Variants in PLXNC1 observed in about 807,000 individuals in gnomAD.
PLXNC1 encodes the protein plexin C1.
A neutral mutation model predicts 178.2 loss-of-function variants in PLXNC1; 75 were observed. That is an observed-to-expected ratio of 0.42 (90% confidence interval 0.35 to 0.51). The LOEUF (loss-of-function observed/expected upper bound fraction) is 0.51. PLXNC1 is among the 20% of genes least tolerant of loss of function. The probability of loss-of-function intolerance (pLI) is 0.02; values close to 1 mark genes in which losing one functional copy is unlikely to be tolerated. For missense variants in PLXNC1, 1,503 were observed against 1,984.4 expected (o/e 0.76, Z 4.61); for synonymous variants, 790 against 779.9 (o/e 1.01, Z -0.22).
In PLXNC1 at chr12:94,277,975, A is replaced by T. The variant is rs1446310682; in HGVS notation, c.3598-1497A>T. The T allele has an allele frequency of 1.1e-5, 5 of 455,972 alleles. No homozygotes were observed. The East Asian group carries it at 3.5e-4, about 32-fold the overall frequency. 28.2% of individuals were successfully genotyped at this position (455,972 alleles called of 1,614,324 possible). The stretch of plus-strand genomic sequence containing the variant: ...CTCTCCCCTGAGCCCTAGGCAAATC[A>T]GACATTGCCTCCTGCAGCCTCTGCA... On this transcript the variant is annotated intron_variant, in intron 21 of 30. Transcript: ENST00000258526.
At chr12:94,232,911 CA>C (rs1381806835) in intron 9 of PLXNC1, among the ~76,000 whole-genome samples, 1 of 150,836 alleles carries the variant, frequency 6.6e-6, no homozygotes, top group Admixed American at 6.6e-5. Flanking sequence ...CAATCTGACT[CA>C]ACAGAGTTTT....
chr12:94,224,628 G>A (rs1294445168), intron 7 of PLXNC1, among the ~76,000 whole-genome samples: 1 of 152,208 alleles, frequency 6.6e-6, no homozygotes, highest in Non-Finnish European at 1.5e-5. Context: ...GACAAGCCAG[G>A]TGTGGTGGCT....
At chr12:94,214,111 G>A (rs1181542666) in intron 5 of PLXNC1, among the ~76,000 whole-genome samples, 1 of 149,390 alleles carries the variant, frequency 6.7e-6, no homozygotes, top group Non-Finnish European at 1.5e-5. Flanking sequence ...TTTTGACAGG[G>A]TCTCCCTCTG....
rs1435649178 is a variant in PLXNC1 at position 94,254,906 on chromosome 12, G to A, written c.2983+18G>A. ...ACGTGACGGTAGGCTCCAAAATTGT[G>A]TTTGTAGAAAAACAAGCCTTTTATA... On this transcript the variant is annotated intron_variant, in intron 16 of 30. Transcript: ENST00000258526. The A allele has an allele frequency of 1.3e-6, 2 of 1,579,196 alleles. No homozygotes were observed. Among genetic ancestry groups the A allele is most frequent in the South Asian group, 1.1e-5 (1 of 87,776 alleles).
At chr12:94,159,735 C>T (rs528676843) in intron 1 of PLXNC1, among the ~76,000 whole-genome samples, 3 of 152,288 alleles carry the variant, frequency 2.0e-5, no homozygotes, top group South Asian at 2.1e-4. Flanking sequence ...TCCTAAATAA[C>T]GGCTGCCCTG....
chr12:94,221,437 A>T (rs1963792899), intron 6 of PLXNC1, among the ~76,000 whole-genome samples: 1 of 152,130 alleles, frequency 6.6e-6, no homozygotes, highest in Non-Finnish European at 1.5e-5. Flanking sequence ...AAGTGGATTC[A>T]ATAGATGGTC....
intron 12 of PLXNC1, among the ~76,000 whole-genome samples, chr12:94,245,808 C>T (rs186799787): frequency 5.3e-5 from 8 of 152,142 alleles, no homozygotes; most frequent in Admixed American, 3.3e-4. Flanking sequence ...TGACCAAGAG[C>T]GATAGCTGTA....
In PLXNC1 at chr12:94,298,631, G is replaced by C; in HGVS notation, c.4075-1G>C. ...CAAATCTGATGTTGTCTATCTTTCA[G>C]GTGGCAATTCATTCTGTGCTTGAAA... On this transcript the variant is annotated splice_acceptor_variant, in intron 26 of 30. Transcript: ENST00000258526. LOFTEE classifies it high-confidence loss of function. 6.3e-7 allele frequency: 1 copy of C among 1,583,372 alleles called. No individual in the cohort carries two copies. Among genetic ancestry groups the C allele is most frequent in the East Asian group, 2.3e-5 (1 of 43,970 alleles).
intron 21 of PLXNC1, among the ~76,000 whole-genome samples, chr12:94,277,511 A>G (rs944932587): frequency 2.6e-5 from 4 of 152,208 alleles, no homozygotes; most frequent in African/African-American, 7.2e-5. Flanking sequence ...TACTGTTGTT[A>G]TGCCCTCTTT....
At chr12:94,170,890 C>T (rs1961816817) in intron 2 of PLXNC1, among the ~76,000 whole-genome samples, 1 of 152,216 alleles carries the variant, frequency 6.6e-6, no homozygotes, top group Non-Finnish European at 1.5e-5. Flanking sequence ...ACACAAGTCA[C>T]TGGGTGACGT....
chr12:94,206,490 AT>A (rs35705217), intron 4 of PLXNC1, among the ~76,000 whole-genome samples: 53,900 of 144,416 alleles, frequency 0.37, 10,969 homozygotes, highest in East Asian at 0.58. Flanking sequence ...GGTTTGGGGG[AT>A]TTTTTTTTTT....
At position 94,301,037 on chromosome 12, in the gene PLXNC1, A is replaced by T. The variant is rs1024270568; in HGVS notation, c.4366A>T (p.Thr1456Ser). The T allele has an allele frequency of 1.2e-6, 2 of 1,613,798 alleles. No homozygotes were observed. Among genetic ancestry groups the T allele is most frequent in the Admixed American group, 1.7e-5 (1 of 60,020 alleles). The change falls in exon 28 of 31, where the codon ACA (threonine) becomes TCA (serine). Residue 1456 changes from threonine (T) to serine (S), a missense_variant. Coordinates refer to ENST00000258526, the MANE Select transcript of PLXNC1 (RefSeq NM_005761.3). The part of the protein sequence containing the change: ...AQAFMDAFSL[T>S]EQQLGKEAPT... Reference sequence around the variant, plus strand: ...GGCATTCATGGATGCATTTTCTCTCACAGAGCAGCAACTAGGGAAGGTAAG... The same window carrying T: ...GGCATTCATGGATGCATTTTCTCTCTCAGAGCAGCAACTAGGGAAGGTAAG...
chr12:94,157,379 AGAT>A (rs1165199005), intron 1 of PLXNC1, among the ~76,000 whole-genome samples: 1 of 152,226 alleles, frequency 6.6e-6, no homozygotes, highest in Admixed American at 6.5e-5. Context: ...ATTGGCACAC[AGAT>A]GATGAAGACT....
chr12:94,229,617 A>T (rs1437160155), intron 9 of PLXNC1, among the ~76,000 whole-genome samples: 3 of 152,122 alleles, frequency 2.0e-5, no homozygotes, highest in African/African-American at 7.2e-5. Context: ...TTGCATGTGG[A>T]TATCCAGTTT....
At chr12:94,153,737 A>G (rs1961048080) in intron 1 of PLXNC1, among the ~76,000 whole-genome samples, 1 of 152,124 alleles carries the variant, frequency 6.6e-6, no homozygotes. Context: ...AGTTCATTCT[A>G]CCCTTTGTAG....
rs777201051 is a variant in PLXNC1, at chr12:94,240,544, G to A, written c.2180G>A (p.Arg727Gln). The A allele has an allele frequency of 1.2e-5, 19 of 1,613,808 alleles. No individual in the cohort carries two copies. The highest frequency in any genetic ancestry group is 1.6e-4 in the Middle Eastern group (1 of 6,080). The change falls in exon 11 of 31, where the codon CGG (arginine) becomes CAG (glutamine). Residue 727 changes from arginine (R) to glutamine (Q), a missense_variant. By Grantham distance (43) the Arg-to-Gln change is conservative (BLOSUM62 1). Coordinates refer to ENST00000258526, the MANE Select transcript of PLXNC1 (RefSeq NM_005761.3). ...ATGAAATTCTCTCTTCCATCAAGCC[G>A]GAAAGAAATGAAGGATGTGTGTATC... is the stretch of plus-strand genomic sequence containing the variant. ...THMKFSLPSS[R>Q]KEMKDVCIQF...
At position 94,186,345 on chromosome 12, in the gene PLXNC1, T is replaced by C. The variant is rs368825426; in HGVS notation, c.1339-28T>C. 4.3e-5 allele frequency: 65 copies of C among 1,499,898 alleles called. No homozygotes were observed. The African/African-American group carries it at 8.6e-4, about 20-fold the overall frequency. 92.9% of individuals were successfully genotyped at this position (1,499,898 alleles called of 1,614,324 possible). A position where few individuals can be genotyped will look rare whatever the true frequency, so the allele number is the denominator to read the frequency against. On this transcript the variant is annotated intron_variant, in intron 3 of 30. Coordinates refer to ENST00000258526, the MANE Select transcript of PLXNC1 (RefSeq NM_005761.3). ...TTTCCTGCTGTTGCTTATAATTCCA[T>C]CTGAACCATTGTCCTCTTTCCTTTT...
intron 1 of PLXNC1, among the ~76,000 whole-genome samples, chr12:94,163,223 G>C (rs1961455850): frequency 6.6e-6 from 1 of 152,038 alleles, no homozygotes; most frequent in Non-Finnish European, 1.5e-5. Context: ...AATTAGCCAG[G>C]CATGGTGGCA....
chr12:94,274,071 A>G (rs1965755484), intron 21 of PLXNC1, among the ~76,000 whole-genome samples: 1 of 145,926 alleles, frequency 6.9e-6, no homozygotes, highest in Admixed American at 7.1e-5. Context: ...CTGTAATCCC[A>G]GCACTTTGGG....
Sources: gnomAD v4.1 joint callset for allele counts (sites outside exome capture counted in the v4.1 genomes callset) on GRCh38, gnomAD v4.1.1 for gene constraint, MANE v1.5 for transcripts, NCBI Gene and HGNC (gene_info 2026-07-23, HGNC 2026-07-21) for gene names.